The following LRFN5 variants were observed in gnomAD, a reference collection of about 807,000 sequenced individuals.
The protein encoded by LRFN5 is leucine rich repeat and fibronectin type III domain containing 5, also known as leucine-rich repeat and fibronectin type-III domain-containing protein 5.
LRFN5 carries 24 observed loss-of-function variants against 45.6 expected under a neutral mutation model. The observed-to-expected ratio is 0.53, with a 90% CI of 0.38 to 0.74. LRFN5 has a LOEUF of 0.74. LRFN5 is among the 30% of genes least tolerant of loss of function. LRFN5 has a pLI of 0.00. For missense variants in LRFN5, 776 were observed against 861.5 expected (o/e 0.90, Z 1.24); for synonymous variants, 340 against 313.8 (o/e 1.08, Z -0.88).
intron 1 of LRFN5, among the ~76,000 whole-genome samples, chr14:41,628,731 C>T (rs1888430356): frequency 6.6e-6 from 1 of 152,104 alleles, no homozygotes. Flanking sequence ...GTATTGAGCA[C>T]CAATATGATG....
chr14:41,625,313 C>G (rs1240919747), intron 1 of LRFN5, among the ~76,000 whole-genome samples: 1 of 152,068 alleles, frequency 6.6e-6, no homozygotes, highest in Non-Finnish European at 1.5e-5. Flanking sequence ...CTATGCTGTT[C>G]TTGTGATAGT....
intron 2 of LRFN5, among the ~76,000 whole-genome samples, chr14:41,787,207 T>C (rs900406990): frequency 6.6e-6 from 1 of 152,098 alleles, no homozygotes; most frequent in Non-Finnish European, 1.5e-5. Flanking sequence ...ACATAATGAA[T>C]TTTAAATTAT....
intron 2 of LRFN5, among the ~76,000 whole-genome samples, chr14:41,771,811 A>C (rs573036786): frequency 6.7e-4 from 102 of 152,230 alleles, no homozygotes; most frequent in Middle Eastern, 6.8e-3. Context: ...AGATCTCCAA[A>C]GTCTCCCAAA....
chr14:41,612,087 C>G (rs2138539187), intron 1 of LRFN5, among the ~76,000 whole-genome samples: 1 of 152,218 alleles, frequency 6.6e-6, no homozygotes, highest in East Asian at 1.9e-4. Flanking sequence ...GATCTTCTTG[C>G]TGTTTGAAGC....
intron 1 of LRFN5, among the ~76,000 whole-genome samples, chr14:41,675,635 G>A (rs1023246786): frequency 6.6e-6 from 1 of 151,810 alleles, no homozygotes; most frequent in Non-Finnish European, 1.5e-5. Context: ...GGGGAGAGGG[G>A]AGAGGCGATT....
intron 1 of LRFN5, among the ~76,000 whole-genome samples, chr14:41,677,207 G>C (rs1881672809): frequency 6.6e-6 from 1 of 152,170 alleles, no homozygotes; most frequent in African/African-American, 2.4e-5. Context: ...TTGAGAATTA[G>C]TTCAGTCAAG....
intron 1 of LRFN5, among the ~76,000 whole-genome samples, chr14:41,753,799 C>T (rs1885245595): frequency 6.6e-6 from 1 of 152,134 alleles, no homozygotes; most frequent in South Asian, 2.1e-4. Flanking sequence ...ACTTCCAACA[C>T]TATGTTGAAT....
intron 1 of LRFN5, among the ~76,000 whole-genome samples, chr14:41,708,976 A>G (rs1883177858): frequency 1.9e-5 from 1 of 52,460 alleles, no homozygotes; most frequent in Admixed American, 2.1e-4. Context: ...TATTTTGAGC[A>G]TTATTTGAGA....
intron 1 of LRFN5, among the ~76,000 whole-genome samples, chr14:41,666,787 AG>A (rs1248322110): frequency 1.3e-5 from 2 of 152,116 alleles, no homozygotes; most frequent in Admixed American, 1.3e-4. Context: ...ACTGCCCAAG[AG>A]TGACAGAAAA....
At chr14:41,758,649 T>C (rs941162256) in intron 1 of LRFN5, among the ~76,000 whole-genome samples, 1 of 152,202 alleles carries the variant, frequency 6.6e-6, no homozygotes, top group African/African-American at 2.4e-5. Context: ...TCTAATAAAA[T>C]AATGTGTCTG....
chr14:41,802,933 G>A (rs575115878), intron 2 of LRFN5, among the ~76,000 whole-genome samples: 5 of 152,132 alleles, frequency 3.3e-5, no homozygotes, highest in South Asian at 4.2e-4. Context: ...CCTTTTATTC[G>A]GCATAATCCT....
At chr14:41,811,574 C>A (rs1887737659) in intron 2 of LRFN5, among the ~76,000 whole-genome samples, 1 of 152,024 alleles carries the variant, frequency 6.6e-6, no homozygotes, top group Non-Finnish European at 1.5e-5. Context: ...ACACAGTGAA[C>A]TATTGTTTAT....
At chr14:41,782,711 G>A (rs956398568) in intron 2 of LRFN5, among the ~76,000 whole-genome samples, 1 of 152,096 alleles carries the variant, frequency 6.6e-6, no homozygotes, top group Non-Finnish European at 1.5e-5. Context: ...TCTAGTTGAA[G>A]GTGCCAGAGG....
intron 2 of LRFN5, among the ~76,000 whole-genome samples, chr14:41,813,792 A>C (rs950687913): frequency 6.6e-6 from 1 of 152,174 alleles, no homozygotes; most frequent in Non-Finnish European, 1.5e-5. Context: ...TGGTTGAACT[A>C]ATTTACATCC....
chr14:41,665,664 A>G (rs1880862011), intron 1 of LRFN5, among the ~76,000 whole-genome samples: 1 of 152,004 alleles, frequency 6.6e-6, no homozygotes, highest in African/African-American at 2.4e-5. Flanking sequence ...CTGCTCTGAC[A>G]TTTTTAACAT....
At chr14:41,789,272 T>A (rs1489565239) in intron 2 of LRFN5, among the ~76,000 whole-genome samples, 1 of 152,072 alleles carries the variant, frequency 6.6e-6, no homozygotes, top group African/African-American at 2.4e-5. Context: ...TTTGACTGAT[T>A]TATTTTTAAA....
At chr14:41,850,992 G>C (rs1889245987) in intron 2 of LRFN5, among the ~76,000 whole-genome samples, 1 of 151,692 alleles carries the variant, frequency 6.6e-6, no homozygotes, top group Non-Finnish European at 1.5e-5. Flanking sequence ...TTGCCCAAAG[G>C]GTTAGTAATA....
At chr14:41,662,096 G>A (rs781655424) in intron 1 of LRFN5, among the ~76,000 whole-genome samples, 1 of 152,002 alleles carries the variant, frequency 6.6e-6, no homozygotes, top group Admixed American at 6.6e-5. Context: ...TCTCTTTTAT[G>A]AACTCACAGA....
At chr14:41,894,861 GCTTT>G in intron 4 of LRFN5, 1 of 981,848 alleles carries the variant, frequency 1.0e-6, no homozygotes, top group Non-Finnish European at 1.2e-6. Context: ...TTCTTGTTTT[GCTTT>G]CTGTCATTTA....
Sources: allele counts gnomAD v4.1 joint callset (sites outside exome capture counted in the v4.1 genomes callset), GRCh38; gene constraint gnomAD v4.1.1; transcripts MANE v1.5; gene names NCBI Gene and HGNC (gene_info 2026-07-23, HGNC 2026-07-21).